BNC2: variants seen among roughly 807,000 people sequenced by gnomAD.
BNC2 encodes basonuclin zinc finger protein 2.
BNC2 carries 20 observed loss-of-function variants against 76.3 expected under a neutral mutation model. The observed-to-expected ratio is 0.26, with a 90% CI of 0.18 to 0.38. BNC2 has a LOEUF of 0.38. BNC2 is among the 10% of genes least tolerant of loss of function. The probability of loss-of-function intolerance (pLI) is 1.00; values close to 1 mark genes in which losing one functional copy is unlikely to be tolerated. For missense variants in BNC2, 1,382 were observed against 1,399.8 expected, an observed-to-expected ratio of 0.99 and a Z score of 0.20; for synonymous variants, 582 against 514.8, an observed-to-expected ratio of 1.13 and a Z score of -1.77.
intron 3 of BNC2, among the ~76,000 whole-genome samples, chr9:16,621,053 A>T (rs564144356): frequency 1.6e-4 from 25 of 152,298 alleles, no homozygotes; most frequent in African/African-American, 5.8e-4. Flanking sequence ...GATCAAATTG[A>T]GCCTGGTGAC....
chr9:16,613,244 A>G (rs1176275164), intron 3 of BNC2, among the ~76,000 whole-genome samples: 2 of 152,192 alleles, frequency 1.3e-5, no homozygotes, highest in African/African-American at 4.8e-5. Context: ...TGAATAAGCA[A>G]ATACCCAGTG....
chr9:16,442,133 AT>A (rs1298730387), intron 5 of BNC2, among the ~76,000 whole-genome samples: 1 of 152,206 alleles, frequency 6.6e-6, no homozygotes, highest in East Asian at 1.9e-4. Context: ...TATTGACAAA[AT>A]GAGGATAATA....
chr9:16,782,770 C>A (rs145332711), intron 1 of BNC2, among the ~76,000 whole-genome samples: 1 of 152,302 alleles, frequency 6.6e-6, no homozygotes, highest in African/African-American at 2.4e-5. Flanking sequence ...CTAAGATACT[C>A]TGAAGGCCAG....
At chr9:16,514,760 A>G (rs1314126026) in intron 5 of BNC2, among the ~76,000 whole-genome samples, 2 of 152,210 alleles carry the variant, frequency 1.3e-5, no homozygotes, top group African/African-American at 4.8e-5. Flanking sequence ...CAAGGGATCC[A>G]CGTCTCGATG....
At chr9:16,679,910 G>A (rs1213150790) in intron 3 of BNC2, among the ~76,000 whole-genome samples, 1 of 152,212 alleles carries the variant, frequency 6.6e-6, no homozygotes, top group East Asian at 1.9e-4. Context: ...GCCTACCATG[G>A]CGTCAGTCCT....
intron 3 of BNC2, among the ~76,000 whole-genome samples, chr9:16,688,970 T>C (rs537595703): frequency 1.6e-4 from 25 of 152,094 alleles, no homozygotes; most frequent in African/African-American, 5.3e-4. Flanking sequence ...ACAAAAGATA[T>C]GACAAGTATA....
chr9:16,725,217 T>TCACACACACACACACACA (rs4007689), intron 3 of BNC2, among the ~76,000 whole-genome samples: 7 of 148,162 alleles, frequency 4.7e-5, no homozygotes, highest in African/African-American at 1.8e-4. Flanking sequence ...TCTCTCTCTC[T>TCACACACACACACACACA]CACACACACA....
chr9:16,701,776 T>C (rs766996027), intron 3 of BNC2, among the ~76,000 whole-genome samples: 3 of 151,436 alleles, frequency 2.0e-5, no homozygotes, highest in African/African-American at 4.9e-5. Flanking sequence ...ACCCCGTCTC[T>C]ACTGAAAATA....
At chr9:16,478,281 C>T (rs553859470) in intron 5 of BNC2, among the ~76,000 whole-genome samples, 1 of 152,126 alleles carries the variant, frequency 6.6e-6, no homozygotes, top group Non-Finnish European at 1.5e-5. Flanking sequence ...ATGGCTTCCC[C>T]GTGGTCAGTC....
At chr9:16,476,071 AG>A (rs923895251) in intron 5 of BNC2, 20 of 152,290 alleles carry the variant, frequency 1.3e-4, no homozygotes, top group African/African-American at 4.6e-4. Context: ...GATGAGAACG[AG>A]GAGTTTTGCT....
intron 1 of BNC2, among the ~76,000 whole-genome samples, chr9:16,767,102 G>C (rs1319343235): frequency 1.3e-5 from 2 of 152,212 alleles, no homozygotes; most frequent in African/African-American, 4.8e-5. Context: ...TCCCAAAGGA[G>C]AATCTAGGAA....
intron 3 of BNC2, among the ~76,000 whole-genome samples, chr9:16,699,935 T>C (rs780316181): frequency 6.6e-6 from 1 of 152,226 alleles, no homozygotes; most frequent in Non-Finnish European, 1.5e-5. Flanking sequence ...TATTACAGAA[T>C]TATCATGGCA....
chr9:16,590,816 C>A (rs1359491067), intron 3 of BNC2, among the ~76,000 whole-genome samples: 1 of 152,072 alleles, frequency 6.6e-6, no homozygotes, highest in African/African-American at 2.4e-5. Context: ...CTCACACACA[C>A]ACACAAAAGA....
intron 5 of BNC2, among the ~76,000 whole-genome samples, chr9:16,486,814 C>T (rs1487308666): frequency 6.6e-6 from 1 of 152,092 alleles, no homozygotes; most frequent in Non-Finnish European, 1.5e-5. Flanking sequence ...TAACATCAAA[C>T]TCCTGGGCTC....
At chr9:16,674,885 T>A (rs1822591460) in intron 3 of BNC2, among the ~76,000 whole-genome samples, 1 of 152,214 alleles carries the variant, frequency 6.6e-6, no homozygotes, top group Admixed American at 6.5e-5. Flanking sequence ...ACTGTTCAGT[T>A]GTCTATAATG....
At chr9:16,551,556 T>A (rs1431318814) in intron 5 of BNC2, among the ~76,000 whole-genome samples, 1 of 152,200 alleles carries the variant, frequency 6.6e-6, no homozygotes, top group East Asian at 1.9e-4. Flanking sequence ...AGGGGTCATG[T>A]CTCCTGGTAT....
At chr9:16,529,413 T>C (rs1319685249) in intron 5 of BNC2, among the ~76,000 whole-genome samples, 1 of 152,178 alleles carries the variant, frequency 6.6e-6, no homozygotes. Context: ...AAGTGTTATC[T>C]CTACAAAAAG....
intron 3 of BNC2, among the ~76,000 whole-genome samples, chr9:16,701,602 C>A (rs924772823): frequency 2.0e-5 from 3 of 152,096 alleles, no homozygotes; most frequent in Non-Finnish European, 4.4e-5. Flanking sequence ...CAAACTTTGG[C>A]AGGCTAAAAG....
chr9:16,870,559 C>T, intron 1 of BNC2, 87 bp downstream of exon 1: 7 of 1,499,756 alleles, frequency 4.7e-6, no homozygotes, highest in Non-Finnish European at 6.4e-6. Flanking sequence ...GGACACGGCC[C>T]CCGGGCGGCC....
Sources: gnomAD v4.1 joint callset for allele counts (sites outside exome capture counted in the v4.1 genomes callset) on GRCh38, gnomAD v4.1.1 for gene constraint, MANE v1.5 for transcripts, NCBI Gene and HGNC (gene_info 2026-07-23, HGNC 2026-07-21) for gene names.